The following ESYT3 variants were observed in gnomAD, a reference collection of about 807,000 sequenced individuals.
The protein encoded by ESYT3 is extended synaptotagmin-3.
ESYT3 carries 101 observed loss-of-function variants against 111.5 expected under a neutral mutation model. The observed-to-expected ratio is 0.91, with a 90% CI of 0.77 to 1.07. The LOEUF is 1.07. Ranked by LOEUF, ESYT3 falls within the 50% of genes least tolerant of loss-of-function variation. The pLI is 0.00. For synonymous variants in ESYT3, 416 were observed against 446.8 expected, an observed-to-expected ratio of 0.93 and a Z score of 0.87; for missense variants, 1,097 against 1,109.4, an observed-to-expected ratio of 0.99 and a Z score of 0.16.
intron 1 of ESYT3, among the ~76,000 whole-genome samples, chr3:138,438,966 C>T (rs1333273929): frequency 6.6e-6 from 1 of 152,226 alleles, no homozygotes; most frequent in East Asian, 1.9e-4. Flanking sequence ...GGATGCTCCT[C>T]TCACACAGTG....
At chr3:138,452,260 A>C (rs1236756048) in intron 2 of ESYT3, among the ~76,000 whole-genome samples, 171 bp downstream of exon 2, 1 of 152,228 alleles carries the variant, frequency 6.6e-6, no homozygotes, top group Non-Finnish European at 1.5e-5. Flanking sequence ...TTTGTTAACA[A>C]CAACAAATTG....
Position 138,472,677 on chromosome 3 carries a change from AG to A in ESYT3, c.2056del (p.Ala686ProfsTer5). The stretch of plus-strand genomic sequence containing the variant: ...AGCCCATCGGGGAGAAGAAGAGTCC[AG>A]CCACCATCTTCCTGACTGTCCCAGG... Reference protein sequence around the residue: ...CEPIGEKKSPATIFLTVPGPH... With the variant: ...CEPIGEKKSPXTIFLTVPGPH... On this transcript the variant is annotated frameshift_variant, in exon 18 of 23. Coordinates refer to ENST00000389567, the MANE Select transcript of ESYT3 (RefSeq NM_031913.5). LOFTEE classifies it high-confidence loss of function. 6.2e-7 allele frequency: 1 copy of A among 1,614,226 alleles called. No individual in the cohort carries two copies. Among genetic ancestry groups the A allele is most frequent in the Middle Eastern group, 1.6e-4 (1 of 6,062 alleles).
Position 138,440,815 on chromosome 3 carries a change from C to T in ESYT3, c.327+5690C>T, listed in dbSNP as rs1004896015. On this transcript the variant is annotated intron_variant, in intron 1 of 22. Transcript: ENST00000389567. This position sits in a 1 kb window ranked among gnomAD's most constrained non-coding sequence, Gnocchi z 4.2. ...CCAAGCCCAACAGAGGGATCTTAGG[C>T]ATACATGTGTTCATTCCTATACTCA... 6.6e-6 allele frequency among the ~76,000 whole-genome samples: 1 copy of T among 152,194 alleles called. No homozygotes were observed. The highest frequency in any genetic ancestry group is 2.4e-5 in the African/African-American group (1 of 41,448).
chr3:138,475,600 G>C (rs1395453505), intron 20 of ESYT3, among the ~76,000 whole-genome samples: 4 of 152,158 alleles, frequency 2.6e-5, no homozygotes, highest in African/African-American at 7.2e-5. Flanking sequence ...CCTGTGAATA[G>C]GTACTGTTCA....
At chr3:138,445,188 TC>T (rs2031449509) in intron 1 of ESYT3, among the ~76,000 whole-genome samples, 1 of 152,136 alleles carries the variant, frequency 6.6e-6, no homozygotes, top group Non-Finnish European at 1.5e-5. Flanking sequence ...TGTGGGTGAC[TC>T]CCCACTAGCT....
In ESYT3 at chr3:138,440,150, T is replaced by C. The variant is rs1720829; in HGVS notation, c.327+5025T>C. Among the ~76,000 whole-genome samples the C allele has an allele frequency of 0.17, 26,458 of 152,204 alleles. 4,042 individuals carry two copies. Among genetic ancestry groups the C allele is most frequent in the African/African-American group, 0.4 (16,668 of 41,512 alleles). ...ACATACCCCACAGGACCCCACTCGC[T>C]GCCTTTCATGCCTGTCCCCATCTAA... On this transcript the variant is annotated intron_variant, in intron 1 of 22. Transcript: ENST00000389567. The surrounding 1 kb of genome is among the most constrained non-coding windows in gnomAD (Gnocchi z 4.2).
At chr3:138,469,110 A>G (rs1301886588) in intron 14 of ESYT3, 1 of 607,188 alleles carries the variant, frequency 1.6e-6, no homozygotes, top group Non-Finnish European at 2.9e-6. Flanking sequence ...CATTTTTATT[A>G]CCATTTTCTG....
chr3:138,435,343 C>T lies in ESYT3; in HGVS notation c.327+218C>T, dbSNP rs1217688923. Reference sequence around the variant, plus strand: ...ACCCTCACGTCCACCTCTGGTCCGACTGCGGTGGGAGTGGGGAACTTGGGT... The same window carrying T: ...ACCCTCACGTCCACCTCTGGTCCGATTGCGGTGGGAGTGGGGAACTTGGGT... On this transcript the variant is annotated intron_variant, in intron 1 of 22. Coordinates refer to ENST00000389567, the MANE Select transcript of ESYT3 (RefSeq NM_031913.5). This position sits in a 1 kb window ranked among gnomAD's most constrained non-coding sequence, Gnocchi z 4.8. 6.6e-6 allele frequency among the ~76,000 whole-genome samples: 1 copy of T among 152,170 alleles called. No individual in the cohort carries two copies. The highest frequency in any genetic ancestry group is 1.9e-4 in the East Asian group (1 of 5,198).
intron 22 of ESYT3, 85 bp from the exon 23 acceptor site, chr3:138,476,733 C>T: frequency 1.5e-6 from 2 of 1,359,808 alleles, no homozygotes; most frequent in Non-Finnish European, 2.1e-6. Context: ...TACAGAGGCC[C>T]AGGCAGGCAG....
intron 17 of ESYT3, 35 bp downstream of exon 17, chr3:138,471,061 A>G: frequency 4.4e-6 from 7 of 1,582,562 alleles, no homozygotes; most frequent in South Asian, 1.1e-5. Context: ...GAGGGGAGGA[A>G]TAGAGCTCTG....
chr3:138,463,826 A>C (rs1489152733), intron 8 of ESYT3, among the ~76,000 whole-genome samples: 1 of 152,146 alleles, frequency 6.6e-6, no homozygotes, highest in Non-Finnish European at 1.5e-5. Context: ...TATTCATGCA[A>C]GTGTAGGGAG....
chr3:138,451,984 C>A, intron 1 of ESYT3, 64 bp from the exon 2 acceptor site: 1 of 1,583,568 alleles, frequency 6.3e-7, no homozygotes, highest in Non-Finnish European at 8.7e-7. Context: ...GCCAGGCTGG[C>A]TTGCTTGGTT....
intron 5 of ESYT3, 40 bp downstream of exon 5, chr3:138,459,293 C>G (rs1468615494): frequency 6.8e-7 from 1 of 1,478,540 alleles, no homozygotes; most frequent in South Asian, 1.4e-5. Context: ...TTCCAGCCCC[C>G]AGGGTGGGGA....
downstream of ESYT3, chr3:138,480,066 G>T (rs2033656246): frequency 6.6e-6 from 1 of 152,052 alleles, no homozygotes. Context: ...TTCCAAATTA[G>T]CAGTGAAGAA....
intron 19 of ESYT3, 108 bp from the exon 20 acceptor site, chr3:138,474,096 TAATATAGCCTTCTCTCA>T: frequency 7.9e-7 from 1 of 1,268,714 alleles, no homozygotes; most frequent in Non-Finnish European, 1.1e-6. Flanking sequence ...GCTGAATGGC[TAATATAGCCTTCTCTCA>T]AATGTTTGAA....
intron 4 of ESYT3, among the ~76,000 whole-genome samples, chr3:138,457,979 C>T (rs2032390906): frequency 6.6e-6 from 1 of 152,140 alleles, no homozygotes; most frequent in African/African-American, 2.4e-5. Context: ...GAGAGGTCAG[C>T]TGGAGACCTG....
chr3:138,439,467 C>T (rs2030978625), intron 1 of ESYT3, among the ~76,000 whole-genome samples: 1 of 152,202 alleles, frequency 6.6e-6, no homozygotes, highest in Non-Finnish European at 1.5e-5. Flanking sequence ...ATCCTTCGTG[C>T]TCTGGGCTCC....
chr3:138,467,086 A>G (rs2032965628), intron 10 of ESYT3, among the ~76,000 whole-genome samples: 1 of 152,130 alleles, frequency 6.6e-6, no homozygotes, highest in Non-Finnish European at 1.5e-5. Flanking sequence ...CATGCCAACT[A>G]TACTTTCCCT....
rs2030591128 is a variant in ESYT3, at chr3:138,435,491, C to T, written c.327+366C>T. ...GGAATCAGAAGGCATTTCTTCCACC[C>T]GCCTGTTGATTCAGAGAACGAACGC... On this transcript the variant is annotated intron_variant, in intron 1 of 22. Transcript: ENST00000389567. This position sits in a 1 kb window ranked among gnomAD's most constrained non-coding sequence, Gnocchi z 4.8. Among the ~76,000 whole-genome samples the T allele has an allele frequency of 6.6e-6, 1 of 152,208 alleles. No individual in the cohort carries two copies. Among genetic ancestry groups the T allele is most frequent in the South Asian group, 2.1e-4 (1 of 4,830 alleles).
Sources: gnomAD v4.1 joint callset for allele counts (sites outside exome capture counted in the v4.1 genomes callset) on GRCh38, gnomAD v4.1.1 for gene constraint, Gnocchi (gnomAD v3.1) non-coding constraint, MANE v1.5 for transcripts, NCBI Gene and HGNC (gene_info 2026-07-23, HGNC 2026-07-21) for gene names.